OR3A2: variants seen among roughly 807,000 people sequenced by gnomAD.
The protein encoded by OR3A2 is olfactory receptor family 3 subfamily A member 2.
For synonymous variants in OR3A2, 126 were observed against 159.3 expected, an observed-to-expected ratio of 0.79 and a Z score of 1.57; for missense variants, 318 against 392.8, an observed-to-expected ratio of 0.81 and a Z score of 1.61.
At chr17:3,286,610 T>C (rs1414282171), upstream of OR3A2, among the ~76,000 whole-genome samples, 1 of 152,180 alleles carries the variant, frequency 6.6e-6, no homozygotes, top group African/African-American at 2.4e-5. Context: ...TTTTTAATGA[T>C]AGCCATTCTA....
At chr17:3,297,931 G>A (rs1198367601) in intron 3 of OR3A2, among the ~76,000 whole-genome samples, 2 of 151,940 alleles carry the variant, frequency 1.3e-5, no homozygotes, top group Non-Finnish European at 2.9e-5. Flanking sequence ...ACTGCTGTAG[G>A]TGTCTCTTCT....
intron 3 of OR3A2, among the ~76,000 whole-genome samples, chr17:3,295,400 T>C (rs182482327): frequency 4.9e-4 from 75 of 152,100 alleles, no homozygotes; most frequent in Non-Finnish European, 8.2e-4. Flanking sequence ...TAGTAGACAC[T>C]GACTAAAAAC....
rs112866958 is a variant in OR3A2 at position 3,292,054 on chromosome 17, T to A, written c.-84-12901A>T. The A allele has an allele frequency of 2.5e-5, 40 of 1,614,120 alleles. No homozygotes were observed. The African/African-American group carries it at 2.7e-4, about 11-fold the overall frequency. ...GGGAGGTCACAGTAGAAGTGATTGA[T>A]CACATTGGGGCCACAGAAGTTGAGC... On this transcript the variant is annotated intron_variant, in intron 3 of 4. Transcript: ENST00000573491.
At chr17:3,338,615 G>A (rs1212938604) in intron 2 of OR3A2, among the ~76,000 whole-genome samples, 1 of 152,072 alleles carries the variant, frequency 6.6e-6, no homozygotes, top group Non-Finnish European at 1.5e-5. Flanking sequence ...CCTCTGTTGT[G>A]TTCCATTGGT....
intron 3 of OR3A2, among the ~76,000 whole-genome samples, chr17:3,325,722 A>T (rs1400039669): frequency 6.6e-6 from 1 of 152,076 alleles, no homozygotes; most frequent in African/African-American, 2.4e-5. Flanking sequence ...TTTGGTTAAG[A>T]TCAAGTGTAA....
chr17:3,321,875 C>T (rs1045967806), intron 3 of OR3A2, among the ~76,000 whole-genome samples: 1 of 152,140 alleles, frequency 6.6e-6, no homozygotes, highest in Non-Finnish European at 1.5e-5. Flanking sequence ...CCTTTGGTAT[C>T]AGGATGATGC....
intron 2 of OR3A2, among the ~76,000 whole-genome samples, chr17:3,345,915 C>G (rs1321304281): frequency 6.6e-6 from 1 of 152,134 alleles, no homozygotes; most frequent in Non-Finnish European, 1.5e-5. Context: ...TAAGATCTGA[C>G]AGAAGAGTCT....
intron 1 of OR3A2, among the ~76,000 whole-genome samples, chr17:3,282,993 C>T (rs2048786572): frequency 6.6e-6 from 1 of 151,818 alleles, no homozygotes. Context: ...TCTCTCTCTC[C>T]TTCTTCCTCT....
chr17:3,333,158 G>A (rs1006172590), intron 3 of OR3A2, among the ~76,000 whole-genome samples: 2 of 152,122 alleles, frequency 1.3e-5, no homozygotes, highest in African/African-American at 4.8e-5. Context: ...CCTGGGTGGA[G>A]GTCTATAAAT....
intron 3 of OR3A2, chr17:3,291,756 G>A: frequency 6.2e-7 from 1 of 1,613,842 alleles, no homozygotes. Context: ...AATTCCAACA[G>A]CTTTATCCTT....
chr17:3,310,906 G>A, intron 3 of OR3A2: 2 of 714,212 alleles, frequency 2.8e-6, no homozygotes, highest in Non-Finnish European at 4.8e-6. Flanking sequence ...CATCTCAATG[G>A]GCAGTTGCTG....
At chr17:3,338,486 A>G (rs1006520913) in intron 2 of OR3A2, among the ~76,000 whole-genome samples, 8 of 152,218 alleles carry the variant, frequency 5.3e-5, no homozygotes, top group Admixed American at 4.6e-4. Flanking sequence ...AGCTTTCTAC[A>G]TATGGCTAGC....
intron 3 of OR3A2, chr17:3,292,457 G>C (rs778158296): frequency 2.5e-6 from 4 of 1,613,472 alleles, no homozygotes; most frequent in Non-Finnish European, 3.4e-6. Flanking sequence ...GGTTGCCCCT[G>C]ACCGTGACCA....
At chr17:3,303,995 A>AAT (rs61331985) in intron 3 of OR3A2, among the ~76,000 whole-genome samples, 40 of 144,186 alleles carry the variant, frequency 2.8e-4, no homozygotes, top group Admixed American at 9.1e-4. Context: ...TTATACTAAT[A>AAT]ATATATATAT....
intron 2 of OR3A2, among the ~76,000 whole-genome samples, chr17:3,338,646 C>G (rs960305508): frequency 1.3e-5 from 2 of 152,128 alleles, no homozygotes; most frequent in African/African-American, 4.8e-5. Context: ...GTTTTGGTAC[C>G]AGTACCATGC....
intron 2 of OR3A2, among the ~76,000 whole-genome samples, chr17:3,368,020 C>T (rs1048491416): frequency 1.6e-4 from 24 of 152,028 alleles, no homozygotes; most frequent in African/African-American, 5.8e-4. Flanking sequence ...CCTATGTTTG[C>T]TGACCATTTG....
Position 3,376,838 on chromosome 17 carries a change from T to C in OR3A2, c.-179+6966A>G, listed in dbSNP as rs115964201. 8.0e-3 allele frequency among the ~76,000 whole-genome samples: 1,218 copies of C among 152,224 alleles called. 10 individuals are homozygous for C. The highest frequency in any genetic ancestry group is 0.027 in the African/African-American group (1,139 of 41,532). On this transcript the variant is annotated intron_variant, in intron 2 of 4. Transcript: ENST00000573491. ...GCTGGCTGCCTTTCCCAAGGATCCC[T>C]GTGAGATAAGGCCAGGGATGGCTTC...
At chr17:3,310,443 A>G (rs1341650243) in intron 3 of OR3A2, 2 of 535,542 alleles carry the variant, frequency 3.7e-6, no homozygotes, top group South Asian at 1.4e-5. Flanking sequence ...CATTGGAGGC[A>G]CCCTCAGCAT....
chr17:3,359,825 G>A (rs1457497379), intron 2 of OR3A2, among the ~76,000 whole-genome samples: 1 of 151,660 alleles, frequency 6.6e-6, no homozygotes, highest in Non-Finnish European at 1.5e-5. Flanking sequence ...TATCATTGTT[G>A]GACATTTGGG....
Sources: gnomAD v4.1 joint callset for allele counts (sites outside exome capture counted in the v4.1 genomes callset) on GRCh38, gnomAD v4.1.1 for gene constraint, MANE v1.5 for transcripts, NCBI Gene and HGNC (gene_info 2026-07-23, HGNC 2026-07-21) for gene names.